Variants in UBE2D2 observed in about 807,000 individuals in gnomAD.
UBE2D2 encodes the protein ubiquitin-conjugating enzyme E2 D2.
UBE2D2 carries 2 observed loss-of-function variants against 24.2 expected under a neutral mutation model. The observed-to-expected ratio is 0.08, with a 90% CI of 0.03 to 0.26. UBE2D2 has a LOEUF of 0.26. Among genes scored for constraint, UBE2D2 ranks in the 10% least tolerant of loss-of-function variants. UBE2D2 has a pLI of 1.00. For synonymous variants in UBE2D2, 58 were observed against 56.5 expected (o/e 1.03, Z -0.12); for missense variants, 44 against 177.6 (o/e 0.25, Z 4.28).
upstream of UBE2D2, among the ~76,000 whole-genome samples, chr5:139,559,741 G>A (rs930446452): frequency 6.6e-6 from 1 of 152,130 alleles, no homozygotes; most frequent in Non-Finnish European, 1.5e-5. Context: ...TCAATGATCT[G>A]CAAGGTCCTT....
chr5:139,540,545 CAA>C (rs540123430), intron 1 of UBE2D2, among the ~76,000 whole-genome samples: 24 of 94,476 alleles, frequency 2.5e-4, no homozygotes, highest in Admixed American at 5.0e-4. Context: ...GACTCCATCT[CAA>C]AAAAAAAAAA....
chr5:139,605,138 G>C (rs1170015979), intron 2 of UBE2D2, among the ~76,000 whole-genome samples: 1 of 152,072 alleles, frequency 6.6e-6, no homozygotes, highest in African/African-American at 2.4e-5. Context: ...GTGGAGACTT[G>C]TGCTTTATTT....
intron 6 of UBE2D2, among the ~76,000 whole-genome samples, chr5:139,625,551 C>T (rs1379735241): frequency 1.3e-5 from 2 of 150,390 alleles, no homozygotes; most frequent in Admixed American, 1.3e-4. Flanking sequence ...TCAAGTAGTC[C>T]TCCCATCTGA....
chr5:139,548,327 G>A (rs1404062838), intron 1 of UBE2D2, among the ~76,000 whole-genome samples: 1 of 151,846 alleles, frequency 6.6e-6, no homozygotes, highest in Non-Finnish European at 1.5e-5. Context: ...ATAAGATATA[G>A]AGGAAGGTTG....
intron 5 of UBE2D2, among the ~76,000 whole-genome samples, chr5:139,618,032 G>A (rs1396381191): frequency 6.6e-6 from 1 of 151,800 alleles, no homozygotes; most frequent in African/African-American, 2.4e-5. Context: ...GGAGTGCAGT[G>A]GCGCAATCTC....
At chr5:139,626,632 AG>A in intron 6 of UBE2D2, 123 bp from the exon 7 acceptor site, 1 of 748,112 alleles carries the variant, frequency 1.3e-6, no homozygotes, top group Non-Finnish European at 2.3e-6. Context: ...TGGGATAGAA[AG>A]GGGCCTTTCC....
chr5:139,611,430 C>T (rs1399602870), intron 2 of UBE2D2, among the ~76,000 whole-genome samples: 4 of 151,942 alleles, frequency 2.6e-5, no homozygotes, highest in Non-Finnish European at 4.4e-5. Flanking sequence ...TCAGGTGAGC[C>T]ACCTGCCTCG....
At chr5:139,587,018 G>T (rs1484793468) in intron 1 of UBE2D2, among the ~76,000 whole-genome samples, 1 of 152,156 alleles carries the variant, frequency 6.6e-6, no homozygotes, top group Non-Finnish European at 1.5e-5. Context: ...TCAAGATGGT[G>T]GTGGGCCACT....
chr5:139,608,525 C>G (rs767099580), intron 2 of UBE2D2, among the ~76,000 whole-genome samples: 4 of 151,016 alleles, frequency 2.6e-5, no homozygotes, highest in Non-Finnish European at 4.4e-5. Context: ...GGGGTCAAGG[C>G]AGGCAGATCG....
At chr5:139,532,190 G>A (rs188507923) in intron 1 of UBE2D2, among the ~76,000 whole-genome samples, 2 of 145,668 alleles carry the variant, frequency 1.4e-5, no homozygotes, top group African/African-American at 5.2e-5. Context: ...TTTTTTTTTG[G>A]GGGGGACAGA....
chr5:139,553,088 G>C (rs1375610222), intron 1 of UBE2D2, among the ~76,000 whole-genome samples: 1 of 152,138 alleles, frequency 6.6e-6, no homozygotes, highest in Non-Finnish European at 1.5e-5. Context: ...TGAAGTGCTG[G>C]GATTACAGGC....
chr5:139,542,800 A>G (rs896512661), intron 1 of UBE2D2, among the ~76,000 whole-genome samples: 1 of 152,232 alleles, frequency 6.6e-6, no homozygotes, highest in Non-Finnish European at 1.5e-5. Context: ...TACACATGCT[A>G]CAACATAGAT....
At chr5:139,607,330 T>C (rs1392303152) in intron 2 of UBE2D2, among the ~76,000 whole-genome samples, 1 of 152,232 alleles carries the variant, frequency 6.6e-6, no homozygotes, top group Non-Finnish European at 1.5e-5. Context: ...TACATTCATG[T>C]GAATGGGTTT....
chr5:139,578,434 T>TTGTG (rs34697798), intron 1 of UBE2D2, among the ~76,000 whole-genome samples: 1,555 of 145,050 alleles, frequency 0.011, 8 homozygotes, highest in East Asian at 0.026. Flanking sequence ...GTTTTGTGTT[T>TTGTG]TGTGTGTGTG....
At chr5:139,555,508 TA>T (rs1392721754) in intron 1 of UBE2D2, among the ~76,000 whole-genome samples, 1 of 152,016 alleles carries the variant, frequency 6.6e-6, no homozygotes, top group Non-Finnish European at 1.5e-5. Flanking sequence ...TTGAACTGAA[TA>T]AAAATGAAAA....
At chr5:139,616,822 C>A (rs1237366988) in intron 5 of UBE2D2, among the ~76,000 whole-genome samples, 1 of 152,100 alleles carries the variant, frequency 6.6e-6, no homozygotes, top group Non-Finnish European at 1.5e-5. Flanking sequence ...TGATTTAGTT[C>A]TGAAAATTGG....
chr5:139,565,141 A>G (rs1034037711), intron 1 of UBE2D2, among the ~76,000 whole-genome samples: 1 of 152,184 alleles, frequency 6.6e-6, no homozygotes, highest in Non-Finnish European at 1.5e-5. Flanking sequence ...ATGAGTTGCT[A>G]CATCTGGGTT....
At chr5:139,561,974 C>A in intron 1 of UBE2D2, 159 bp downstream of exon 1, 1 of 1,068,064 alleles carries the variant, frequency 9.4e-7, no homozygotes, top group Non-Finnish European at 1.3e-6. Flanking sequence ...TGATGGCGCC[C>A]GTGGAGGCCC....
intron 1 of UBE2D2, among the ~76,000 whole-genome samples, chr5:139,548,256 G>T (rs1179929721): frequency 6.8e-6 from 1 of 148,114 alleles, no homozygotes; most frequent in Non-Finnish European, 1.5e-5. Flanking sequence ...GACAGATTTT[G>T]TAGGCAACTC....
Sources: allele counts gnomAD v4.1 joint callset (sites outside exome capture counted in the v4.1 genomes callset), GRCh38; gene constraint gnomAD v4.1.1; transcripts MANE v1.5; gene names NCBI Gene and HGNC (gene_info 2026-07-23, HGNC 2026-07-21).